Variants in BIRC6 observed in about 807,000 individuals in gnomAD.
BIRC6 encodes dual E2 ubiquitin-conjugating enzyme/E3 ubiquitin-protein ligase BIRC6.
Under a neutral mutation model 503.3 loss-of-function variants are expected in BIRC6, and 98 were observed. The observed-to-expected ratio is 0.19, with a 90% CI of 0.17 to 0.23. BIRC6 has a LOEUF of 0.23. Among genes scored for constraint, BIRC6 ranks in the 10% least tolerant of loss-of-function variants. The pLI is 1.00. For missense variants in BIRC6, 5,360 were observed against 5,806.0 expected, an observed-to-expected ratio of 0.92 and a Z score of 2.50; for synonymous variants, 2,240 against 2,078.7, an observed-to-expected ratio of 1.08 and a Z score of -2.11.
intron 66 of BIRC6, among the ~76,000 whole-genome samples, chr2:32,587,110 C>T (rs189257073): frequency 6.4e-4 from 97 of 152,280 alleles, no homozygotes; most frequent in South Asian, 1.7e-3. Flanking sequence ...TTTAAGGGGC[C>T]GGACATTGTG....
intron 34 of BIRC6, 41 bp downstream of exon 34, chr2:32,476,385 C>T: frequency 6.6e-7 from 1 of 1,524,170 alleles, no homozygotes; most frequent in Non-Finnish European, 8.8e-7. Context: ...TCAGAAAAGT[C>T]AAGGAGTTAT....
chr2:32,530,814 T>C (rs1209832437), intron 60 of BIRC6, among the ~76,000 whole-genome samples: 1 of 152,244 alleles, frequency 6.6e-6, no homozygotes, highest in Non-Finnish European at 1.5e-5. Context: ...TTTGTTTTAA[T>C]GTTTAAAGGG....
chr2:32,488,767 T>A, intron 42 of BIRC6, 53 bp downstream of exon 42: 3 of 1,217,326 alleles, frequency 2.5e-6, no homozygotes, highest in Non-Finnish European at 2.2e-6. Context: ...GCTTAAAACG[T>A]AATTATTAGG....
In BIRC6 at chr2:32,474,631, A is replaced by G. The variant is rs561853488; in HGVS notation, c.6720+1392A>G. Among the ~76,000 whole-genome samples, 13 of 152,326 alleles carry G rather than the reference A, an allele frequency of 8.5e-5. No individual in the cohort carries two copies. In the East Asian group the frequency reaches 2.5e-3, roughly 29 times the overall value. On this transcript the variant is annotated intron_variant, in intron 33 of 73. Coordinates refer to ENST00000421745, the MANE Select transcript of BIRC6 (RefSeq NM_016252.4). ...ACGAAAGTAATCAGGGCGATTAGTC[A>G]TCAGGTTACTAACTTACTGCCAAAT...
In BIRC6 at chr2:32,415,017, A is replaced by G; in HGVS notation, c.1726A>G (p.Lys576Glu). 6.2e-7 allele frequency: 1 copy of G among 1,613,892 alleles called. No homozygotes were observed. Among genetic ancestry groups the G allele is most frequent in the Non-Finnish European group, 8.5e-7 (1 of 1,179,874 alleles). Residue 576 changes from lysine (K) to glutamate (E), a missense_variant, in exon 10 of 74, where the codon AAA becomes GAA. Around this residue, in one of 16 missense-constraint regions of BIRC6, gnomAD observed 700 missense variants for 739.3 expected, o/e 0.95. Transcript: ENST00000421745. ...CLLAGGLLTY[K>E]SPATSPISSN... The stretch of plus-strand genomic sequence containing the variant: ...ATTAGCTGGAGGTTTATTAACATAT[A>G]AATCTCCTGCTACCTCACCCATTAG...
intron 23 of BIRC6, among the ~76,000 whole-genome samples, chr2:32,461,061 TC>T (rs2047885008): frequency 1.6e-5 from 1 of 62,724 alleles, no homozygotes; most frequent in African/African-American, 5.1e-5. Flanking sequence ...TCTTCTCTTC[TC>T]TTCTGTTCTC....
chr2:32,463,821 A>T (rs530229069), intron 24 of BIRC6, among the ~76,000 whole-genome samples: 76 of 152,332 alleles, frequency 5.0e-4, no homozygotes, highest in African/African-American at 1.7e-3. Flanking sequence ...ATGGACCAGT[A>T]CCAATAAATA....
chr2:32,404,356 C>A (rs1239426335), intron 8 of BIRC6, among the ~76,000 whole-genome samples: 3 of 151,798 alleles, frequency 2.0e-5, no homozygotes, highest in African/African-American at 7.2e-5. Context: ...CTTGCTCTGT[C>A]GCCCATGCTG....
intron 33 of BIRC6, among the ~76,000 whole-genome samples, chr2:32,473,502 T>G (rs976094469): frequency 1.3e-5 from 2 of 152,056 alleles, no homozygotes; most frequent in Non-Finnish European, 2.9e-5. Context: ...GTCATTATCT[T>G]TTGCCTAGTC....
chr2:32,381,028 A>G (rs989472677), intron 3 of BIRC6, among the ~76,000 whole-genome samples: 3 of 152,126 alleles, frequency 2.0e-5, no homozygotes, highest in Non-Finnish European at 4.4e-5. Flanking sequence ...ATCCTTGGGT[A>G]TATTTTTATT....
chr2:32,491,981 C>T (rs2051783257), intron 44 of BIRC6, among the ~76,000 whole-genome samples: 1 of 152,060 alleles, frequency 6.6e-6, no homozygotes. Flanking sequence ...AACAATATTG[C>T]TCAGGACTTA....
At chr2:32,410,394 A>G (rs1012761922) in intron 9 of BIRC6, among the ~76,000 whole-genome samples, 3 of 152,264 alleles carry the variant, frequency 2.0e-5, no homozygotes, top group African/African-American at 7.2e-5. Flanking sequence ...TGAATGACAG[A>G]AAAAAGGCTG....
At chr2:32,553,138 G>A (rs1482871117) in intron 65 of BIRC6, among the ~76,000 whole-genome samples, 21 of 133,770 alleles carry the variant, frequency 1.6e-4, no homozygotes, top group African/African-American at 5.1e-4. Context: ...GGGAGGTTGC[G>A]GTGAGCCGAG....
At chr2:32,416,496 C>A (rs1370224382) in intron 10 of BIRC6, among the ~76,000 whole-genome samples, 1 of 151,322 alleles carries the variant, frequency 6.6e-6, no homozygotes, top group Non-Finnish European at 1.5e-5. Context: ...ATTCATTAAA[C>A]CTGTTTTTAT....
intron 9 of BIRC6, among the ~76,000 whole-genome samples, chr2:32,410,299 T>TAAAAC (rs1174812245): frequency 1.3e-5 from 2 of 152,030 alleles, no homozygotes; most frequent in African/African-American, 4.8e-5. Context: ...AGACTCCGTC[T>TAAAAC]AAAACAAAAC....
Position 32,388,923 on chromosome 2 carries a change from G to T in BIRC6, c.819G>T (p.Gly273=). 1 of 1,599,372 alleles carries T rather than the reference G, an allele frequency of 6.3e-7. No homozygotes were observed. Among genetic ancestry groups the T allele is most frequent in the Non-Finnish European group, 8.5e-7 (1 of 1,173,626 alleles). ...GTGCACGTCCAGAACTCGGAGTGGG[G>T]CCAGGCCGTTCTGTAGACAGGTATG... The part of the protein sequence containing the change: ...LPSARPELGV[G]PGRSVDRSLM... The change falls in exon 4 of 74, where the codon GGG becomes GGT. Residue 273 remains glycine, a synonymous_variant. Transcript: ENST00000421745.
chr2:32,419,267 A>G (rs2042697065), intron 10 of BIRC6, among the ~76,000 whole-genome samples: 1 of 152,218 alleles, frequency 6.6e-6, no homozygotes, highest in Non-Finnish European at 1.5e-5. Context: ...GAGTATATTC[A>G]AATAACATAA....
At chr2:32,611,416 A>G in intron 72 of BIRC6, 32 bp from the exon 73 acceptor site, 1 of 1,569,172 alleles carries the variant, frequency 6.4e-7, no homozygotes. Flanking sequence ...GACTGTAAAC[A>G]CTGCTTGTTC....
chr2:32,584,497 C>T (rs565869721), intron 66 of BIRC6, among the ~76,000 whole-genome samples: 1 of 152,096 alleles, frequency 6.6e-6, no homozygotes, highest in Non-Finnish European at 1.5e-5. Flanking sequence ...AGTGCCATTG[C>T]ACTCCAGCCT....
Sources: gnomAD v4.1 joint callset for allele counts (sites outside exome capture counted in the v4.1 genomes callset) on GRCh38, gnomAD v4.1.1 for gene constraint, gnomAD v4.1.1 regional missense constraint, MANE v1.5 for transcripts, NCBI Gene and HGNC (gene_info 2026-07-23, HGNC 2026-07-21) for gene names.